CPEB3: variants seen among roughly 807,000 people sequenced by gnomAD.
CPEB3 encodes the protein cytoplasmic polyadenylation element binding protein 3, also known as cytoplasmic polyadenylation element-binding protein 3.
In CPEB3, 20 loss-of-function variants were observed where a neutral mutation model predicts 67.2. That is an observed-to-expected ratio of 0.30 (90% CI 0.21 to 0.43). CPEB3 has a LOEUF of 0.43. Among genes scored for constraint, CPEB3 ranks in the 20% least tolerant of loss-of-function variants. CPEB3 has a pLI of 1.00. For synonymous variants in CPEB3, 376 were observed against 393.1 expected, an observed-to-expected ratio of 0.96 and a Z score of 0.51; for missense variants, 746 against 968.6, an observed-to-expected ratio of 0.77 and a Z score of 3.05.
chr10:92,289,151 G>A (rs951592477), intron 1 of CPEB3, among the ~76,000 whole-genome samples: 3 of 152,168 alleles, frequency 2.0e-5, no homozygotes, highest in South Asian at 2.1e-4. Flanking sequence ...GCTGAGGCAC[G>A]ATAATCACCT....
At chr10:92,214,854 ATTTC>A (rs1006701491) in intron 2 of CPEB3, among the ~76,000 whole-genome samples, 4 of 150,342 alleles carry the variant, frequency 2.7e-5, no homozygotes, top group African/African-American at 4.9e-5. Flanking sequence ...GTTTTTTGTT[ATTTC>A]TTTTTTTTGA....
At position 92,144,940 on chromosome 10, in the gene CPEB3, AG is replaced by A; in HGVS notation, c.1363+4del. On this transcript the variant is annotated splice_donor_region_variant and intron_variant, in intron 5 of 9. Coordinates refer to ENST00000265997, the MANE Select transcript of CPEB3 (RefSeq NM_014912.5). ...TTTGCAAAATCATTAATGAATGCAT[AG>A]TACCTTCATCAATATCAGGAGGAAG... 16 of 1,613,184 alleles carry A rather than the reference AG, an allele frequency of 9.9e-6. No individual in the cohort carries two copies. Among genetic ancestry groups the A allele is most frequent in the Non-Finnish European group, 1.4e-5 (16 of 1,179,290 alleles).
In CPEB3 at chr10:92,209,688, C is replaced by T. The variant is rs572263708; in HGVS notation, c.1006-17052G>A. Among the ~76,000 whole-genome samples the T allele has an allele frequency of 2.0e-5, 3 of 152,050 alleles. No individual in the cohort carries two copies. In the South Asian group the frequency reaches 6.2e-4, roughly 32 times the overall value. Reference sequence around the variant, plus strand: ...AATTTCAGCAGCTCACGCTTGTAATCCCAGCACTTTGGGAGGCAGACAGGC... The same window carrying T: ...AATTTCAGCAGCTCACGCTTGTAATTCCAGCACTTTGGGAGGCAGACAGGC... On this transcript the variant is annotated intron_variant, in intron 2 of 9. Coordinates refer to ENST00000265997, the MANE Select transcript of CPEB3 (RefSeq NM_014912.5).
chr10:92,260,817 C>T (rs2134889385), intron 1 of CPEB3, among the ~76,000 whole-genome samples: 1 of 152,166 alleles, frequency 6.6e-6, no homozygotes, highest in East Asian at 1.9e-4. Flanking sequence ...CCATGTTGGC[C>T]AGGCTGGTCT....
rs1338162372 is a variant in CPEB3 at position 92,047,998 on chromosome 10, G to A, written c.*4214C>T. The A allele has an allele frequency of 6.6e-6, 1 of 152,294 alleles. No homozygotes were observed. Among genetic ancestry groups the A allele is most frequent in the Non-Finnish European group, 1.5e-5 (1 of 68,080 alleles). The allele number at this position is 152,294 out of a possible 1,614,324, so 9.4% of individuals were successfully genotyped here. A position where few individuals can be genotyped will look rare whatever the true frequency, so the allele number is the denominator to read the frequency against. ...CTTAACTGCCCAGCTTCCAGGTGAGGAGGGTGTTGGAAAAGCAGCAGCAGA... is the reference window on the plus strand; with the variant it reads ...CTTAACTGCCCAGCTTCCAGGTGAGAAGGGTGTTGGAAAAGCAGCAGCAGA... On this transcript the variant is annotated 3_prime_UTR_variant, in exon 10 of 10. Transcript: ENST00000265997.
At chr10:92,280,161 G>C (rs1842198976) in intron 1 of CPEB3, among the ~76,000 whole-genome samples, 1 of 151,872 alleles carries the variant, frequency 6.6e-6, no homozygotes, top group African/African-American at 2.4e-5. Context: ...TGGCCAACAT[G>C]ATGAAACCCG....
chr10:92,265,748 CAA>C (rs71484286), intron 1 of CPEB3, among the ~76,000 whole-genome samples: 3 of 108,272 alleles, frequency 2.8e-5, no homozygotes, highest in African/African-American at 3.6e-5. Flanking sequence ...AACTCCATCT[CAA>C]AAAAAAAAAA....
intron 9 of CPEB3, among the ~76,000 whole-genome samples, chr10:92,073,838 A>G (rs1842846032): frequency 6.6e-6 from 1 of 152,168 alleles, no homozygotes; most frequent in Admixed American, 6.5e-5. Context: ...AAAGTTTCCA[A>G]ACCTCTCTTA....
chr10:92,210,633 G>A (rs569622907), intron 2 of CPEB3, among the ~76,000 whole-genome samples: 3 of 152,150 alleles, frequency 2.0e-5, no homozygotes, highest in Admixed American at 6.6e-5. Context: ...AAAACTGAGG[G>A]TATAATTCAA....
At chr10:92,103,847 T>A (rs760158694) in intron 7 of CPEB3, among the ~76,000 whole-genome samples, 3 of 152,222 alleles carry the variant, frequency 2.0e-5, no homozygotes, top group Non-Finnish European at 4.4e-5. Flanking sequence ...AATGTCTATA[T>A]AAATGTGAAC....
At chr10:92,274,228 T>C (rs907642297) in intron 1 of CPEB3, among the ~76,000 whole-genome samples, 1 of 152,190 alleles carries the variant, frequency 6.6e-6, no homozygotes, top group Non-Finnish European at 1.5e-5. Context: ...CACATGCCCA[T>C]TGCAGATGTT....
intron 7 of CPEB3, among the ~76,000 whole-genome samples, chr10:92,093,593 C>A (rs571149007): frequency 2.2e-4 from 34 of 152,030 alleles, no homozygotes; most frequent in African/African-American, 7.7e-4. Flanking sequence ...CCTCCACCCC[C>A]CAGGTTCAAG....
intron 9 of CPEB3, among the ~76,000 whole-genome samples, chr10:92,067,116 TAAAA>T (rs979110567): frequency 6.6e-6 from 1 of 151,102 alleles, no homozygotes; most frequent in Non-Finnish European, 1.5e-5. Context: ...ATTTTATTAA[TAAAA>T]AAACTAAAAA....
intron 9 of CPEB3, among the ~76,000 whole-genome samples, chr10:92,056,104 C>A (rs1027587128): frequency 9.2e-5 from 14 of 152,178 alleles, no homozygotes; most frequent in African/African-American, 3.4e-4. Context: ...TTCCTGAAAG[C>A]TTCCAGAGGG....
intron 8 of CPEB3, among the ~76,000 whole-genome samples, chr10:92,090,914 T>C (rs1252677174): frequency 2.6e-5 from 4 of 152,216 alleles, no homozygotes; most frequent in Non-Finnish European, 5.9e-5. Context: ...TCAGAACAAA[T>C]ATGTTTAAAA....
chr10:92,183,499 C>A (rs928428995), intron 3 of CPEB3, among the ~76,000 whole-genome samples: 4 of 152,158 alleles, frequency 2.6e-5, no homozygotes, highest in Admixed American at 2.6e-4. Flanking sequence ...TTCTCACCAT[C>A]GTTTTTGGAT....
rs188351575 is a variant in CPEB3, at chr10:92,161,765, G to A, written c.1223-16680C>T. On this transcript the variant is annotated intron_variant, in intron 4 of 9. Transcript: ENST00000265997. ...CTACAACCTCCACCTCCCGGTACAA[G>A]CGATTCTTCTGTCTCAGCCTCCTGA... Among the ~76,000 whole-genome samples the A allele has an allele frequency of 3.5e-3, 528 of 152,308 alleles. 3 individuals carry two copies. The highest frequency in any genetic ancestry group is 6.3e-3 in the Non-Finnish European group (428 of 68,040).
At chr10:92,270,698 G>T (rs1853269689) in intron 1 of CPEB3, among the ~76,000 whole-genome samples, 1 of 151,312 alleles carries the variant, frequency 6.6e-6, no homozygotes, top group Non-Finnish European at 1.5e-5. Flanking sequence ...AAGTAGCTGG[G>T]ACTACAAGTG....
At position 92,111,283 on chromosome 10, in the gene CPEB3, G is replaced by C. The variant is rs542819457; in HGVS notation, c.1454-89C>G. The C allele has an allele frequency of 4.3e-6, 4 of 922,602 alleles. No individual in the cohort carries two copies. The East Asian group carries it at 7.2e-5, about 17-fold the overall frequency. The allele number at this position is 922,602 out of a possible 1,614,324, so 57.2% of individuals were successfully genotyped here. On this transcript the variant is annotated intron_variant, in intron 6 of 9. Coordinates refer to ENST00000265997, the MANE Select transcript of CPEB3 (RefSeq NM_014912.5). ...TACAAATTATCTGTTGTTTCATTTT[G>C]GCAAATTCTTACTAAAATCTAAGAA...
Sources: allele counts gnomAD v4.1 joint callset (sites outside exome capture counted in the v4.1 genomes callset), GRCh38; gene constraint gnomAD v4.1.1; transcripts MANE v1.5; gene names NCBI Gene and HGNC (gene_info 2026-07-23, HGNC 2026-07-21).